Variants in GALNTL6 observed in about 807,000 individuals in gnomAD.
GALNTL6 encodes the protein polypeptide N-acetylgalactosaminyltransferase like 6.
GALNTL6 carries 46 observed loss-of-function variants against 73.7 expected under a neutral mutation model. The observed-to-expected ratio is 0.62, with a 90% CI of 0.49 to 0.80. The LOEUF is 0.80. Ranked by LOEUF, GALNTL6 falls within the 30% of genes least tolerant of loss-of-function variation. The pLI is 0.00. For missense variants in GALNTL6, 604 were observed against 755.0 expected, an observed-to-expected ratio of 0.80 and a Z score of 2.34; for synonymous variants, 259 against 263.7, an observed-to-expected ratio of 0.98 and a Z score of 0.17.
chr4:172,226,931 T>G (rs188289110), intron 2 of GALNTL6, among the ~76,000 whole-genome samples: 2 of 152,144 alleles, frequency 1.3e-5, no homozygotes, highest in African/African-American at 4.8e-5. Context: ...TTTGAGAAAA[T>G]TAAATTTAGA....
At chr4:172,427,799 T>C (rs1206669117) in intron 5 of GALNTL6, among the ~76,000 whole-genome samples, 1 of 152,194 alleles carries the variant, frequency 6.6e-6, no homozygotes, top group Admixed American at 6.6e-5. Flanking sequence ...TAAAACACCG[T>C]AACTATATTT....
chr4:172,469,668 T>A (rs1462404356), intron 5 of GALNTL6, among the ~76,000 whole-genome samples: 1 of 152,168 alleles, frequency 6.6e-6, no homozygotes, highest in Admixed American at 6.6e-5. Context: ...AAACTTCAGT[T>A]TCTATGTGCT....
intron 5 of GALNTL6, among the ~76,000 whole-genome samples, chr4:172,637,074 G>T (rs188122356): frequency 1.5e-3 from 226 of 152,048 alleles, no homozygotes; most frequent in Non-Finnish European, 2.7e-3. Flanking sequence ...AACTAAAATG[G>T]TATTAAAAAG....
intron 2 of GALNTL6, among the ~76,000 whole-genome samples, chr4:172,206,811 T>TG (rs1736138766): frequency 2.5e-5 from 1 of 39,260 alleles, no homozygotes; most frequent in Non-Finnish European, 4.9e-5. Context: ...TTCTGTTTTT[T>TG]TTGTTTGTTT....
intron 3 of GALNTL6, among the ~76,000 whole-genome samples, chr4:172,275,580 GT>G (rs1394570207): frequency 6.6e-6 from 1 of 152,194 alleles, no homozygotes; most frequent in Admixed American, 6.5e-5. Context: ...AGTGCTCAAA[GT>G]TAGCTTTTAA....
chr4:172,437,970 C>G (rs1330992624), intron 5 of GALNTL6, among the ~76,000 whole-genome samples: 1 of 151,948 alleles, frequency 6.6e-6, no homozygotes, highest in Non-Finnish European at 1.5e-5. Context: ...GTTAAAAGAA[C>G]CATTTTCACT....
At chr4:172,513,880 G>T (rs915270875) in intron 5 of GALNTL6, among the ~76,000 whole-genome samples, 1 of 152,176 alleles carries the variant, frequency 6.6e-6, no homozygotes, top group Non-Finnish European at 1.5e-5. Context: ...TTGTTTTCTC[G>T]TATGCTGGTT....
chr4:171,863,376 G>A (rs1487031699), intron 2 of GALNTL6, among the ~76,000 whole-genome samples: 2 of 152,148 alleles, frequency 1.3e-5, no homozygotes, highest in Non-Finnish European at 2.9e-5. Flanking sequence ...GGAGAGACTA[G>A]AAGAGTGGTG....
At chr4:172,317,637 T>C (rs2111157871) in intron 4 of GALNTL6, among the ~76,000 whole-genome samples, 1 of 152,336 alleles carries the variant, frequency 6.6e-6, no homozygotes, top group Non-Finnish European at 1.5e-5. Flanking sequence ...ATACTATAAA[T>C]AGTTTTTATT....
chr4:172,879,609 A>G (rs1745355806), intron 7 of GALNTL6, among the ~76,000 whole-genome samples: 1 of 151,944 alleles, frequency 6.6e-6, no homozygotes, highest in South Asian at 2.1e-4. Context: ...TTATATTTGT[A>G]GTAGTCTGCT....
At chr4:172,491,905 A>G (rs1462427500) in intron 5 of GALNTL6, among the ~76,000 whole-genome samples, 3 of 152,192 alleles carry the variant, frequency 2.0e-5, no homozygotes, top group Non-Finnish European at 4.4e-5. Context: ...AAGCATTTTA[A>G]TGTTAGAGCA....
chr4:172,119,892 G>T (rs1733096983), intron 2 of GALNTL6, among the ~76,000 whole-genome samples: 1 of 152,086 alleles, frequency 6.6e-6, no homozygotes, highest in Non-Finnish European at 1.5e-5. Flanking sequence ...CTGATTTTCT[G>T]TATGATTTAA....
chr4:172,917,622 T>C (rs1747591114), intron 8 of GALNTL6, among the ~76,000 whole-genome samples: 1 of 152,196 alleles, frequency 6.6e-6, no homozygotes, highest in Admixed American at 6.5e-5. Flanking sequence ...AGAAGACTTT[T>C]ATGCAGCCAA....
Position 171,998,254 on chromosome 4 carries a change from G to A in GALNTL6, c.138+183536G>A, listed in dbSNP as rs544726900. On this transcript the variant is annotated intron_variant, in intron 2 of 12. Coordinates refer to ENST00000506823, the MANE Select transcript of GALNTL6 (RefSeq NM_001034845.3). ...CAGCAAAACAGAACCAACAGAATGT[G>A]TTTACATATAAAGAAAGAGAGATCT... Among the ~76,000 whole-genome samples the A allele has an allele frequency of 1.1e-4, 17 of 152,248 alleles. No individual in the cohort carries two copies. In the South Asian group the frequency reaches 1.9e-3, roughly 17 times the overall value.
chr4:172,141,430 C>T (rs369800295), intron 2 of GALNTL6, among the ~76,000 whole-genome samples: 4 of 151,914 alleles, frequency 2.6e-5, no homozygotes, highest in Admixed American at 2.0e-4. Flanking sequence ...TCAGATGGTA[C>T]GAGTACAAAT....
intron 5 of GALNTL6, among the ~76,000 whole-genome samples, chr4:172,554,090 C>G (rs7673087): frequency 0.045 from 6,802 of 152,244 alleles, 475 homozygotes; most frequent in African/African-American, 0.15. Flanking sequence ...TTGCCTTGGC[C>G]TTGTTCCAAT....
intron 2 of GALNTL6, among the ~76,000 whole-genome samples, chr4:171,967,077 T>C (rs1388194430): frequency 6.6e-6 from 1 of 152,166 alleles, no homozygotes; most frequent in African/African-American, 2.4e-5. Flanking sequence ...TATCAAAACC[T>C]CCAAGTATAT....
chr4:172,380,226 A>T, intron 5 of GALNTL6: 2 of 945,046 alleles, frequency 2.1e-6, no homozygotes, highest in Non-Finnish European at 3.5e-6. Context: ...AAAATATCTT[A>T]ACGTATTCTC....
intron 7 of GALNTL6, among the ~76,000 whole-genome samples, chr4:172,865,969 C>G (rs1028353780): frequency 1.3e-5 from 2 of 152,230 alleles, no homozygotes; most frequent in African/African-American, 4.8e-5. Flanking sequence ...CACAAACCTT[C>G]TAAGTGAAAC....
Sources: gnomAD v4.1 joint callset for allele counts (sites outside exome capture counted in the v4.1 genomes callset) on GRCh38, gnomAD v4.1.1 for gene constraint, MANE v1.5 for transcripts, NCBI Gene and HGNC (gene_info 2026-07-23, HGNC 2026-07-21) for gene names.